Variants in USP12 observed in about 807,000 individuals in gnomAD.
The protein encoded by USP12 is ubiquitin specific peptidase 12.
A neutral mutation model predicts 45.5 loss-of-function variants in USP12; 19 were observed. The ratio of observed to expected loss-of-function variants is 0.42; its 90% CI spans 0.29 to 0.61. The LOEUF (loss-of-function observed/expected upper bound fraction) is 0.61, where lower values mean the gene tolerates loss of function less well. Ranked by LOEUF, USP12 falls within the 20% of genes least tolerant of loss-of-function variation. The probability of loss-of-function intolerance (pLI) is 0.22; values close to 1 mark genes in which losing one functional copy is unlikely to be tolerated. For synonymous variants in USP12, 149 were observed against 148.8 expected, an observed-to-expected ratio of 1.00 and a Z score of -0.01; for missense variants, 242 against 447.7, an observed-to-expected ratio of 0.54 and a Z score of 4.15.
chr13:27,094,099 G>C (rs1874448272), intron 4 of USP12, among the ~76,000 whole-genome samples: 1 of 151,414 alleles, frequency 6.6e-6, no homozygotes, highest in African/African-American at 2.4e-5. Flanking sequence ...AATCATAAAT[G>C]CATGCTAAAT....
intron 1 of USP12, among the ~76,000 whole-genome samples, chr13:27,156,817 G>A (rs927868613): frequency 3.3e-5 from 5 of 151,622 alleles, no homozygotes; most frequent in Admixed American, 1.3e-4. Flanking sequence ...GCAAGATTCC[G>A]TCTCAAAAAA....
At chr13:27,147,142 G>GT (rs1877342907) in intron 1 of USP12, among the ~76,000 whole-genome samples, 1 of 152,132 alleles carries the variant, frequency 6.6e-6, no homozygotes, top group South Asian at 2.1e-4. Flanking sequence ...TCAATTTACG[G>GT]TATCTGTTAG....
intron 3 of USP12, among the ~76,000 whole-genome samples, chr13:27,100,937 T>G (rs1874837496): frequency 6.6e-6 from 1 of 152,256 alleles, no homozygotes; most frequent in Admixed American, 6.5e-5. Context: ...GTAGCCTAAT[T>G]TCTCCCTGTT....
intron 1 of USP12, among the ~76,000 whole-genome samples, chr13:27,167,385 T>C (rs1016214366): frequency 2.6e-5 from 4 of 152,332 alleles, no homozygotes; most frequent in East Asian, 1.9e-4. Flanking sequence ...TCATTTTTAA[T>C]GTCCAAAATG....
intron 1 of USP12, among the ~76,000 whole-genome samples, chr13:27,155,819 G>T (rs563416054): frequency 6.6e-6 from 1 of 152,244 alleles, no homozygotes; most frequent in South Asian, 2.1e-4. Context: ...TGCGGAAAAG[G>T]TTCAACTTAA....
intron 1 of USP12, among the ~76,000 whole-genome samples, chr13:27,148,815 A>ACACAC (rs1232624646): frequency 8.0e-5 from 1 of 12,568 alleles, no homozygotes; most frequent in Admixed American, 4.0e-4. Context: ...CACACACACA[A>ACACAC]AAATCAGGTG....
intron 1 of USP12, among the ~76,000 whole-genome samples, chr13:27,120,267 T>C (rs1204383912): frequency 7.9e-5 from 12 of 152,226 alleles, no homozygotes; most frequent in Non-Finnish European, 2.9e-5. Context: ...CATTCCCACA[T>C]TTGAGAAGTA....
intron 1 of USP12, among the ~76,000 whole-genome samples, chr13:27,140,425 T>C (rs1422691103): frequency 6.6e-6 from 1 of 152,182 alleles, no homozygotes; most frequent in Non-Finnish European, 1.5e-5. Flanking sequence ...ATCTTAAATC[T>C]ACATCAATAA....
At chr13:27,165,531 A>AGTACC (rs1287906368) in intron 1 of USP12, among the ~76,000 whole-genome samples, 4 of 152,102 alleles carry the variant, frequency 2.6e-5, no homozygotes, top group African/African-American at 9.7e-5. Context: ...TGACACAGTG[A>AGTACC]TTACCATGGG....
chr13:27,120,563 A>C (rs934598251), intron 1 of USP12, among the ~76,000 whole-genome samples: 2 of 151,912 alleles, frequency 1.3e-5, no homozygotes, highest in Non-Finnish European at 2.9e-5. Flanking sequence ...CTGAGGCTGC[A>C]GTGAGTCAAG....
At chr13:27,071,562 T>C (rs1873247543) in intron 7 of USP12, among the ~76,000 whole-genome samples, 1 of 152,190 alleles carries the variant, frequency 6.6e-6, no homozygotes, top group Non-Finnish European at 1.5e-5. Context: ...ACTCCCTTGG[T>C]AATGGTTTTT....
At chr13:27,136,938 T>C (rs143642135) in intron 1 of USP12, among the ~76,000 whole-genome samples, 3 of 152,310 alleles carry the variant, frequency 2.0e-5, no homozygotes, top group Admixed American at 6.5e-5. Context: ...TAAAGCATGA[T>C]AGGTGCTTGG....
chr13:27,146,647 C>T (rs2137826593), intron 1 of USP12, among the ~76,000 whole-genome samples: 1 of 152,296 alleles, frequency 6.6e-6, no homozygotes, highest in East Asian at 1.9e-4. Flanking sequence ...GAACCAATTG[C>T]TACTCCCCTT....
intron 6 of USP12, among the ~76,000 whole-genome samples, chr13:27,088,608 C>CAT (rs1162388002): frequency 2.6e-5 from 4 of 152,154 alleles, no homozygotes; most frequent in Middle Eastern, 3.4e-3. Flanking sequence ...AATTTGGGGG[C>CAT]ATGGTAGGCA....
chr13:27,142,451 A>T (rs1444496495), intron 1 of USP12, among the ~76,000 whole-genome samples: 1 of 152,254 alleles, frequency 6.6e-6, no homozygotes, highest in East Asian at 1.9e-4. Flanking sequence ...ATTAGATGAC[A>T]GCATTGATGT....
intron 3 of USP12, among the ~76,000 whole-genome samples, chr13:27,103,420 T>C (rs1419880780): frequency 6.6e-6 from 1 of 151,282 alleles, no homozygotes; most frequent in East Asian, 1.9e-4. Context: ...ATTAAAAAAA[T>C]GGCTTTTCTA....
intron 4 of USP12, among the ~76,000 whole-genome samples, chr13:27,091,688 G>A (rs1177096965): frequency 6.6e-6 from 1 of 152,168 alleles, no homozygotes; most frequent in Non-Finnish European, 1.5e-5. Context: ...ACATGATCAT[G>A]ATCCTCCCAA....
At chr13:27,120,586 C>T (rs1436598459) in intron 1 of USP12, among the ~76,000 whole-genome samples, 1 of 149,938 alleles carries the variant, frequency 6.7e-6, no homozygotes. Flanking sequence ...TGCGCCACTG[C>T]ACTCCAGCCT....
At chr13:27,139,557 A>G (rs1287609863) in intron 1 of USP12, among the ~76,000 whole-genome samples, 2 of 152,212 alleles carry the variant, frequency 1.3e-5, no homozygotes, top group Non-Finnish European at 2.9e-5. Flanking sequence ...CGGAGGCTGC[A>G]GTGAGCCGAG....
Sources: allele counts gnomAD v4.1 joint callset (sites outside exome capture counted in the v4.1 genomes callset), GRCh38; gene constraint gnomAD v4.1.1; transcripts MANE v1.5; gene names NCBI Gene and HGNC (gene_info 2026-07-23, HGNC 2026-07-21).